CYP4X1: variants seen among roughly 807,000 people sequenced by gnomAD.
The protein encoded by CYP4X1 is cytochrome P450 4X1.
A neutral mutation model predicts 57.9 loss-of-function variants in CYP4X1; 44 were observed. The observed-to-expected ratio is 0.76, with a 90% CI of 0.60 to 0.98. The LOEUF is 0.98. CYP4X1 is among the 50% of genes least tolerant of loss of function. The pLI is 0.00. For synonymous variants in CYP4X1, 227 were observed against 228.6 expected (o/e 0.99, Z 0.06); for missense variants, 532 against 623.9 (o/e 0.85, Z 1.57).
At chr1:46,971,705 C>T in the CYP4X1 span, among the ~76,000 whole-genome samples, 3 of 152,038 alleles carry the variant, frequency 2.0e-5, no homozygotes, top group African/African-American at 4.8e-5. Flanking sequence ...ATTTTCTTGG[C>T]CACATGTATA....
At chr1:47,012,398 G>A in the CYP4X1 span, among the ~76,000 whole-genome samples, 1 of 152,270 alleles carries the variant, frequency 6.6e-6, no homozygotes, top group Middle Eastern at 3.4e-3. Context: ...TCGCACACCA[G>A]GGCCTGTCAT....
At chr1:46,966,465 G>T in the CYP4X1 span, among the ~76,000 whole-genome samples, 1 of 152,078 alleles carries the variant, frequency 6.6e-6, no homozygotes. Context: ...GGAGAAGTGT[G>T]GTTTCCTGGG....
intron 6 of CYP4X1, among the ~76,000 whole-genome samples, chr1:47,037,271 AAT>A (rs1491236348): frequency 7.1e-6 from 1 of 141,132 alleles, no homozygotes; most frequent in African/African-American, 2.7e-5. Flanking sequence ...AAACCTTTTC[AAT>A]TTTTTTTTTT....
At chr1:46,997,581 T>C in the CYP4X1 span, among the ~76,000 whole-genome samples, 1 of 152,250 alleles carries the variant, frequency 6.6e-6, no homozygotes, top group African/African-American at 2.4e-5. Flanking sequence ...GGCGTATATA[T>C]ACTGCATTTT....
the CYP4X1 span, among the ~76,000 whole-genome samples, chr1:47,010,857 G>A: frequency 6.6e-6 from 1 of 152,166 alleles, no homozygotes; most frequent in African/African-American, 2.4e-5. Flanking sequence ...CAAGGGACGT[G>A]AAGGACCTCT....
the CYP4X1 span, among the ~76,000 whole-genome samples, chr1:46,979,848 A>C: frequency 2.0e-5 from 3 of 152,260 alleles, no homozygotes; most frequent in Non-Finnish European, 2.9e-5. Flanking sequence ...AACTTAATCC[A>C]TCACATAAAC....
At chr1:47,053,551 T>C (rs1243738463), downstream of CYP4X1, among the ~76,000 whole-genome samples, 9 of 152,100 alleles carry the variant, frequency 5.9e-5, no homozygotes, top group Non-Finnish European at 8.8e-5. Context: ...AAAAGTGTTC[T>C]TATTTCTCCA....
intron 1 of CYP4X1, among the ~76,000 whole-genome samples, chr1:47,027,877 C>T (rs1279550670): frequency 6.6e-6 from 1 of 152,152 alleles, no homozygotes; most frequent in Non-Finnish European, 1.5e-5. Flanking sequence ...CCTTATCACT[C>T]TCTGACACTA....
At chr1:47,031,345 G>GTGCAGAAA in intron 2 of CYP4X1, 91 bp from the exon 3 acceptor site, 2 of 1,468,070 alleles carry the variant, frequency 1.4e-6, no homozygotes, top group Non-Finnish European at 1.9e-6. Flanking sequence ...TTTGTGGTTG[G>GTGCAGAAA]TGCAGAAATG....
chr1:47,047,767 T>C (rs986133260), intron 9 of CYP4X1, among the ~76,000 whole-genome samples: 1 of 151,582 alleles, frequency 6.6e-6, no homozygotes, highest in Non-Finnish European at 1.5e-5. Flanking sequence ...CCTGGCAAAT[T>C]TTTGTATTTT....
At chr1:47,035,666 T>G in intron 4 of CYP4X1, 140 bp from the exon 5 acceptor site, 1 of 1,256,630 alleles carries the variant, frequency 8.0e-7, no homozygotes, top group Non-Finnish European at 1.1e-6. Flanking sequence ...CATGGCTTAT[T>G]TACTCATGTG....
At chr1:47,012,340 T>C in the CYP4X1 span, among the ~76,000 whole-genome samples, 5 of 152,130 alleles carry the variant, frequency 3.3e-5, no homozygotes, top group African/African-American at 4.8e-5. Context: ...TTCTCGCTTA[T>C]AGGTGGGAAT....
At chr1:46,961,959 G>A in the CYP4X1 span, among the ~76,000 whole-genome samples, 1 of 152,114 alleles carries the variant, frequency 6.6e-6, no homozygotes, top group African/African-American at 2.4e-5. Flanking sequence ...ATGGACCCAG[G>A]CACTTTCTCT....
chr1:46,967,071 G>A, the CYP4X1 span, among the ~76,000 whole-genome samples: 1 of 152,220 alleles, frequency 6.6e-6, no homozygotes, highest in African/African-American at 2.4e-5. Context: ...TATTCCAGAT[G>A]TTGTGAAGAG....
At chr1:47,036,887 T>C (rs34953417) in intron 6 of CYP4X1, among the ~76,000 whole-genome samples, 1 of 152,210 alleles carries the variant, frequency 6.6e-6, no homozygotes, top group Non-Finnish European at 1.5e-5. Context: ...ATGTAAAGTA[T>C]AGTTATGTCA....
chr1:47,015,897 C>T, the CYP4X1 span, among the ~76,000 whole-genome samples: 1 of 152,322 alleles, frequency 6.6e-6, no homozygotes, highest in South Asian at 2.1e-4. Flanking sequence ...AATCTTCTAT[C>T]CTTCCTATTA....
At chr1:46,969,099 T>C in the CYP4X1 span, among the ~76,000 whole-genome samples, 1 of 152,158 alleles carries the variant, frequency 6.6e-6, no homozygotes, top group African/African-American at 2.4e-5. Flanking sequence ...CATTATGGTT[T>C]AGCACTATAC....
chr1:46,963,935 G>C, the CYP4X1 span, among the ~76,000 whole-genome samples: 1 of 152,162 alleles, frequency 6.6e-6, no homozygotes, highest in South Asian at 2.1e-4. Context: ...TGGAGGCTTT[G>C]TTCATTTCTT....
downstream of CYP4X1, among the ~76,000 whole-genome samples, chr1:47,051,404 T>G (rs1644359727): frequency 1.3e-5 from 2 of 151,290 alleles, no homozygotes; most frequent in Admixed American, 6.6e-5. Flanking sequence ...GACACCAAAC[T>G]TCTCAATCTT....
Sources: gnomAD v4.1 joint callset for allele counts (sites outside exome capture counted in the v4.1 genomes callset) on GRCh38, gnomAD v4.1.1 for gene constraint, MANE v1.5 for transcripts, NCBI Gene and HGNC (gene_info 2026-07-23, HGNC 2026-07-21) for gene names.